DDX31: variants seen among roughly 807,000 people sequenced by gnomAD.
The protein encoded by DDX31 is DEAD-box helicase 31, also known as ATP-dependent DNA helicase DDX31.
A neutral mutation model predicts 91.3 loss-of-function variants in DDX31; 70 were observed. The ratio of observed to expected loss-of-function variants is 0.77; its 90% confidence interval spans 0.63 to 0.94. The LOEUF is 0.94. Ranked by LOEUF, DDX31 falls within the 40% of genes least tolerant of loss-of-function variation. DDX31 has a pLI of 0.00. For missense variants in DDX31, 902 were observed against 925.0 expected (o/e 0.98, Z 0.32); for synonymous variants, 362 against 350.6 (o/e 1.03, Z -0.36).
chr9:132,648,524 G>A lies in DDX31; in HGVS notation c.768C>T (p.Ile256=). Residue 256 remains isoleucine (I), a synonymous_variant, in exon 10 of 20, where the codon ATC becomes ATT. Coordinates refer to ENST00000372159, the MANE Select transcript of DDX31 (RefSeq NM_022779.9). The stretch of plus-strand genomic sequence containing the variant: ...GATCCACCAGGCGTCCAGGAGTTGA[G>A]ATAAGGATATTTATTCCTTTGCGGA... ...ARLRKGINIL[I]STPGRLVDHI... 6.2e-7 allele frequency: 1 copy of A among 1,612,424 alleles called. No homozygotes were observed. The highest frequency in any genetic ancestry group is 1.3e-5 in the African/African-American group (1 of 74,872).
intron 14 of DDX31, among the ~76,000 whole-genome samples, chr9:132,634,595 T>TTTG (rs1832993342): frequency 6.7e-6 from 1 of 150,050 alleles, no homozygotes; most frequent in Non-Finnish European, 1.5e-5. Context: ...GTTTTTTTTT[T>TTTG]TTTTTTTTTT....
chr9:132,654,065 G>A (rs1296789226), intron 6 of DDX31, among the ~76,000 whole-genome samples: 1 of 152,030 alleles, frequency 6.6e-6, no homozygotes, highest in African/African-American at 2.4e-5. Context: ...AGTCCTGTGA[G>A]AAAAAAATAA....
intron 14 of DDX31, 150 bp from the exon 15 acceptor site, chr9:132,632,241 T>TGTACACACACACACAC (rs1466872933): frequency 5.5e-4 from 52 of 94,154 alleles, no homozygotes; most frequent in South Asian, 1.1e-3. Context: ...CCAGTACGTG[T>TGTACACACACACACAC]ACACACACAC....
At position 132,646,979 on chromosome 9, in the gene DDX31, G is replaced by A. The variant is rs1442487688; in HGVS notation, c.1047C>T (p.Asn349=). 5 of 1,614,048 alleles carry A rather than the reference G, an allele frequency of 3.1e-6. No homozygotes were observed. The highest frequency in any genetic ancestry group is 3.4e-6 in the Non-Finnish European group (4 of 1,180,042). ...CCTCCTGGACCGCTTTGTCCTTTGG[G>A]TTCAACTGGTCATGGCTCTTGTCCA... is the stretch of plus-strand genomic sequence containing the variant. The part of the protein sequence containing the change: ...SVLDKSHDQL[N]PKDKAVQEVC... The change falls in exon 12 of 20, where the codon AAC becomes AAT. Residue 349 remains asparagine, a synonymous_variant. Transcript: ENST00000372159.
At chr9:132,663,636 AAT>A in intron 1 of DDX31, 1 of 558,380 alleles carries the variant, frequency 1.8e-6, no homozygotes, top group Non-Finnish European at 2.3e-6. Flanking sequence ...GTTCTCTCAG[AAT>A]ATGTTATTTT....
chr9:132,662,529 A>G lies in DDX31; in HGVS notation c.242T>C (p.Val81Ala). 6.2e-7 allele frequency: 1 copy of G among 1,614,226 alleles called. No homozygotes were observed. Among genetic ancestry groups the G allele is most frequent in the Non-Finnish European group, 8.5e-7 (1 of 1,180,044 alleles). Residue 81 changes from valine (V) to alanine (A), a missense_variant, in exon 2 of 20, where the codon GTT (valine) becomes GCT (alanine). Coordinates refer to ENST00000372159, the MANE Select transcript of DDX31 (RefSeq NM_022779.9). ...QKMFSPKKHSVSTSDRNQEER... is the reference protein window; with the variant it reads ...QKMFSPKKHSASTSDRNQEER... ...CTCCTGGTTTCTATCACTTGTGCTA[A>G]CCGAATGCTTCTTTGGAGAAAACAT...
chr9:132,658,117 C>T (rs1834685663), intron 6 of DDX31: 2 of 557,334 alleles, frequency 3.6e-6, no homozygotes, highest in South Asian at 2.7e-5. Flanking sequence ...ATTGAGTGAC[C>T]ATTCTGTAAA....
intron 19 of DDX31, among the ~76,000 whole-genome samples, chr9:132,605,779 G>A (rs892279739): frequency 6.6e-6 from 1 of 152,312 alleles, no homozygotes; most frequent in Non-Finnish European, 1.5e-5. Flanking sequence ...GGATGAGGCT[G>A]AACAATCAGC....
intron 16 of DDX31, among the ~76,000 whole-genome samples, chr9:132,629,493 T>C (rs1020832165): frequency 1.3e-5 from 2 of 152,252 alleles, no homozygotes; most frequent in African/African-American, 4.8e-5. Context: ...ACACGGCTCC[T>C]GCAACTGAGT....
At chr9:132,608,772 C>T (rs889828169) in intron 19 of DDX31, among the ~76,000 whole-genome samples, 3 of 152,176 alleles carry the variant, frequency 2.0e-5, no homozygotes, top group African/African-American at 7.2e-5. Flanking sequence ...GACGTTTCAG[C>T]TCAGAACAGT....
Position 132,621,115 on chromosome 9 carries a change from T to C in DDX31, c.1714-2674A>G, listed in dbSNP as rs150240133. On this transcript the variant is annotated intron_variant, in intron 17 of 19. Transcript: ENST00000372159. ...AAAAACGCTTGTAGGAAAAACATGG[T>C]TGGGTGTGTGTATACTTTGATGATG... 2.5e-3 allele frequency among the ~76,000 whole-genome samples: 386 copies of C among 152,288 alleles called. 4 individuals are homozygous for C. Among genetic ancestry groups the C allele is most frequent in the Non-Finnish European group, 6.9e-4 (47 of 68,026 alleles).
intron 16 of DDX31, among the ~76,000 whole-genome samples, chr9:132,626,948 C>A (rs188331992): frequency 2.6e-5 from 4 of 152,070 alleles, no homozygotes; most frequent in African/African-American, 9.6e-5. Flanking sequence ...AGGGAGAGTG[C>A]CCTGACTTCA....
chr9:132,646,018 C>T lies in DDX31; in HGVS notation c.1257G>A (p.Glu419=), dbSNP rs764673061. ...TCTGTAGGAAGAGGCTGTAGTGGAA[C>T]TCCACCAGCTCGCAACTTGAGAAAA... ...VVFFSSCELV[E]FHYSLFLQTL... is the part of the protein sequence containing the mutation. The change falls in exon 13 of 20, where the codon GAG becomes GAA. Residue 419 remains glutamate, a synonymous_variant. Transcript: ENST00000372159. 5.0e-6 allele frequency: 8 copies of T among 1,614,192 alleles called. No homozygotes were observed. In the South Asian group the frequency reaches 8.8e-5, roughly 18 times the overall value.
chr9:132,648,455 C>T lies in DDX31; in HGVS notation c.837G>A (p.Trp279Ter). 1 of 1,613,940 alleles carries T rather than the reference C, an allele frequency of 6.2e-7. No individual in the cohort carries two copies. Among genetic ancestry groups the T allele is most frequent in the Non-Finnish European group, 8.5e-7 (1 of 1,179,952 alleles). The change falls in exon 10 of 20, where the codon TGG becomes TGA. Residue 279 changes from tryptophan (W) to a stop codon, truncating the protein, a stop_gained. Transcript: ENST00000372159. LOFTEE classifies it high-confidence loss of function. ...ACCTGTCTGCTTCATCAAACACCAACCACCGCAGCCGACTAAAATGAATGT... is the reference window on the plus strand; with the variant it reads ...ACCTGTCTGCTTCATCAAACACCAATCACCGCAGCCGACTAAAATGAATGT... The part of the protein sequence containing the change: ...TKNIHFSRLR[W>*]LVFDEADRIL...
At chr9:132,638,956 A>C (rs1195681862) in intron 14 of DDX31, among the ~76,000 whole-genome samples, 2 of 152,164 alleles carry the variant, frequency 1.3e-5, no homozygotes, top group Non-Finnish European at 2.9e-5. Flanking sequence ...AAGGGGGGAA[A>C]ATCCCCATGT....
intron 16 of DDX31, among the ~76,000 whole-genome samples, chr9:132,628,725 A>C (rs1010113512): frequency 6.6e-6 from 1 of 152,228 alleles, no homozygotes; most frequent in Admixed American, 6.5e-5. Flanking sequence ...GGGAACATCC[A>C]GAGAGCTGCG....
chr9:132,640,997 G>A (rs1382498375), intron 14 of DDX31, among the ~76,000 whole-genome samples: 1 of 152,156 alleles, frequency 6.6e-6, no homozygotes, highest in Admixed American at 6.5e-5. Context: ...CTGAATGAGT[G>A]TCTGCAGAGC....
intron 6 of DDX31, among the ~76,000 whole-genome samples, 180 bp from the exon 7 acceptor site, chr9:132,652,672 T>C (rs1284175540): frequency 6.6e-6 from 1 of 152,134 alleles, no homozygotes; most frequent in Middle Eastern, 3.4e-3. Flanking sequence ...TCGACTTGCA[T>C]TGTATCTCCC....
At position 132,662,639 on chromosome 9, in the gene DDX31, T is replaced by G; in HGVS notation, c.132A>C (p.Lys44Asn). 1.2e-6 allele frequency: 2 copies of G among 1,614,204 alleles called. No homozygotes were observed. Among genetic ancestry groups the G allele is most frequent in the Non-Finnish European group, 1.7e-6 (2 of 1,180,036 alleles). The change falls in exon 2 of 20, where the codon AAA (lysine) becomes AAC (asparagine). Residue 44 changes from lysine (K) to asparagine (N), a missense_variant. Coordinates refer to ENST00000372159, the MANE Select transcript of DDX31 (RefSeq NM_022779.9). The stretch of plus-strand genomic sequence containing the variant: ...GGAGAAATGAAGTTTCGTTCCTCCG[T>G]TTCGCTGGGGGAGCCTCACTGGACG... The part of the protein sequence containing the change: ...YQASSEAPPA[K>N]RRNETSFLPA...
Sources: gnomAD v4.1 joint callset for allele counts (sites outside exome capture counted in the v4.1 genomes callset) on GRCh38, gnomAD v4.1.1 for gene constraint, MANE v1.5 for transcripts, NCBI Gene and HGNC (gene_info 2026-07-23, HGNC 2026-07-21) for gene names.